Variants in AUTS2 observed in about 807,000 individuals in gnomAD.
AUTS2 encodes autism susceptibility gene 2 protein.
A neutral mutation model predicts 112.4 loss-of-function variants in AUTS2; 17 were observed. The ratio of observed to expected loss-of-function variants is 0.15; its 90% CI spans 0.10 to 0.23. The LOEUF (loss-of-function observed/expected upper bound fraction) is 0.23, where lower values mean the gene tolerates loss of function less well. AUTS2 is among the 10% of genes least tolerant of loss of function. The pLI, the probability that AUTS2 is intolerant of heterozygous loss-of-function variation, is 1.00. For synonymous variants in AUTS2, 751 were observed against 702.7 expected (o/e 1.07, Z -1.09); for missense variants, 1,510 against 1,701.6 (o/e 0.89, Z 1.98).
intron 6 of AUTS2, among the ~76,000 whole-genome samples, chr7:70,754,160 CAAAAT>C (rs1789040415): frequency 6.7e-6 from 1 of 149,602 alleles, no homozygotes; most frequent in African/African-American, 2.5e-5. Context: ...GACTCTGTCT[CAAAAT>C]AGAATAAAAT....
At chr7:70,549,935 T>C (rs951873193) in intron 5 of AUTS2, among the ~76,000 whole-genome samples, 1 of 152,202 alleles carries the variant, frequency 6.6e-6, no homozygotes, top group Non-Finnish European at 1.5e-5. Flanking sequence ...TAAAAAGCAT[T>C]GGCACTTGGT....
At chr7:70,276,431 A>G (rs917290942) in intron 4 of AUTS2, among the ~76,000 whole-genome samples, 11 of 149,992 alleles carry the variant, frequency 7.3e-5, no homozygotes, top group Admixed American at 6.0e-4. Flanking sequence ...CTGGAGTGCA[A>G]TGGTGTGTGT....
chr7:70,548,879 C>T (rs913563708), intron 5 of AUTS2, among the ~76,000 whole-genome samples: 17 of 151,536 alleles, frequency 1.1e-4, no homozygotes, highest in African/African-American at 4.1e-4. Flanking sequence ...GGCTTTGTGT[C>T]CTTTGCATTT....
intron 2 of AUTS2, among the ~76,000 whole-genome samples, chr7:69,903,779 T>C (rs1795055370): frequency 6.6e-6 from 1 of 152,152 alleles, no homozygotes; most frequent in Non-Finnish European, 1.5e-5. Context: ...ATGGAGGAAT[T>C]TGTGAATATT....
intron 2 of AUTS2, among the ~76,000 whole-genome samples, chr7:69,912,672 T>C (rs1795411548): frequency 6.6e-6 from 1 of 152,186 alleles, no homozygotes; most frequent in African/African-American, 2.4e-5. Flanking sequence ...AGCAGACCCA[T>C]ATTTCTCCTT....
intron 4 of AUTS2, among the ~76,000 whole-genome samples, chr7:70,383,914 G>A (rs879386966): frequency 1.3e-5 from 2 of 152,172 alleles, no homozygotes; most frequent in Non-Finnish European, 2.9e-5. Flanking sequence ...GCATTATTCT[G>A]TACATTGTTC....
chr7:70,296,030 C>T (rs1001044057), intron 4 of AUTS2, among the ~76,000 whole-genome samples: 3 of 152,068 alleles, frequency 2.0e-5, no homozygotes, highest in Admixed American at 6.5e-5. Flanking sequence ...ACCTTTCCTT[C>T]GTAATGACTA....
At chr7:70,321,798 A>G (rs960075471) in intron 4 of AUTS2, among the ~76,000 whole-genome samples, 5 of 152,228 alleles carry the variant, frequency 3.3e-5, no homozygotes, top group African/African-American at 1.2e-4. Context: ...GATTATGGTC[A>G]GGTGAATTTA....
At chr7:70,724,938 G>A (rs996226889) in intron 6 of AUTS2, among the ~76,000 whole-genome samples, 2 of 152,172 alleles carry the variant, frequency 1.3e-5, no homozygotes, top group African/African-American at 2.4e-5. Context: ...ACACTAGGAC[G>A]TTAAAAACTG....
intron 2 of AUTS2, among the ~76,000 whole-genome samples, chr7:70,053,928 T>G (rs1314238940): frequency 6.6e-6 from 1 of 152,168 alleles, no homozygotes; most frequent in East Asian, 1.9e-4. Context: ...TTTTGTGATA[T>G]GATTATATTT....
chr7:70,570,521 T>A (rs916000342), intron 5 of AUTS2, among the ~76,000 whole-genome samples: 1 of 152,256 alleles, frequency 6.6e-6, no homozygotes, highest in African/African-American at 2.4e-5. Flanking sequence ...GGGGTCCACC[T>A]ATAAGATTTT....
intron 4 of AUTS2, among the ~76,000 whole-genome samples, chr7:70,407,699 G>T (rs1203069090): frequency 6.6e-6 from 1 of 152,078 alleles, no homozygotes; most frequent in African/African-American, 2.4e-5. Flanking sequence ...TAGGAGGATT[G>T]CTTGAGCCCA....
intron 1 of AUTS2, among the ~76,000 whole-genome samples, chr7:69,720,243 GT>G (rs1798851470): frequency 6.6e-6 from 1 of 152,202 alleles, no homozygotes; most frequent in South Asian, 2.1e-4. Context: ...GGTGTTTTGA[GT>G]TTTGGTCTAC....
chr7:70,412,220 C>G (rs1046644151), intron 4 of AUTS2, among the ~76,000 whole-genome samples: 1 of 152,100 alleles, frequency 6.6e-6, no homozygotes, highest in Non-Finnish European at 1.5e-5. Context: ...GTGTTTATAT[C>G]CTAGAAGATA....
chr7:69,860,696 A>T (rs1792939693), intron 1 of AUTS2, among the ~76,000 whole-genome samples: 1 of 152,126 alleles, frequency 6.6e-6, no homozygotes, highest in South Asian at 2.1e-4. Context: ...AACCCAACAG[A>T]ATCTTGGGTT....
At chr7:70,360,721 AG>A in intron 4 of AUTS2, among the ~76,000 whole-genome samples, 1 of 152,292 alleles carries the variant, frequency 6.6e-6, no homozygotes, top group Non-Finnish European at 1.5e-5. Flanking sequence ...GAGATAAAAC[AG>A]GGAACAGAGC....
intron 5 of AUTS2, among the ~76,000 whole-genome samples, chr7:70,575,588 C>T (rs980835745): frequency 1.3e-5 from 2 of 152,214 alleles, no homozygotes. Flanking sequence ...ACTTTCAATA[C>T]CATAATGGCA....
At chr7:69,718,723 T>G (rs1798754188) in intron 1 of AUTS2, among the ~76,000 whole-genome samples, 1 of 152,204 alleles carries the variant, frequency 6.6e-6, no homozygotes, top group African/African-American at 2.4e-5. Context: ...AGGAATTAAA[T>G]GGACATGGAC....
chr7:69,626,270 C>T (rs1793940085), intron 1 of AUTS2, among the ~76,000 whole-genome samples: 1 of 152,114 alleles, frequency 6.6e-6, no homozygotes, highest in East Asian at 1.9e-4. Context: ...TGTAATTTTG[C>T]ATAGTAACAA....
Sources: gnomAD v4.1 joint callset for allele counts (sites outside exome capture counted in the v4.1 genomes callset) on GRCh38, gnomAD v4.1.1 for gene constraint, MANE v1.5 for transcripts, NCBI Gene and HGNC (gene_info 2026-07-23, HGNC 2026-07-21) for gene names.